Variants in UBQLN1 observed in about 807,000 individuals in gnomAD.
The protein encoded by UBQLN1 is ubiquilin-1.
UBQLN1 carries 13 observed loss-of-function variants against 65.4 expected under a neutral mutation model. The ratio of observed to expected loss-of-function variants is 0.20; its 90% CI spans 0.13 to 0.32. The LOEUF is 0.32. Among genes scored for constraint, UBQLN1 ranks in the 10% least tolerant of loss-of-function variants. The pLI, the probability that UBQLN1 is intolerant of heterozygous loss-of-function variation, is 1.00. For synonymous variants in UBQLN1, 267 were observed against 247.8 expected (o/e 1.08, Z -0.73); for missense variants, 561 against 724.0 (o/e 0.77, Z 2.58).
chr9:83,685,775 T>C (rs1832030683), intron 2 of UBQLN1, among the ~76,000 whole-genome samples: 1 of 152,190 alleles, frequency 6.6e-6, no homozygotes, highest in African/African-American at 2.4e-5. Context: ...TTAGGTATAA[T>C]AACTAAATAC....
At chr9:83,663,464 C>A (rs1357340063) in intron 10 of UBQLN1, among the ~76,000 whole-genome samples, 1 of 152,078 alleles carries the variant, frequency 6.6e-6, no homozygotes, top group Non-Finnish European at 1.5e-5. Flanking sequence ...GTAGTTAGGA[C>A]TTTTTTCCAG....
rs377346830 is a variant in UBQLN1 at position 83,685,970 on chromosome 9, C to A, written c.332+34G>T. On this transcript the variant is annotated intron_variant, in intron 2 of 10. Coordinates refer to ENST00000376395, the MANE Select transcript of UBQLN1 (RefSeq NM_013438.5). ...TTTTAGAAGTACGAACATTTATCCA[C>A]AATTTTAAAGCTGTACATCTTCCAA... The A allele has an allele frequency of 2.6e-5, 41 of 1,555,712 alleles. No homozygotes were observed. In the East Asian group the frequency reaches 5.0e-4, roughly 19 times the overall value.
intron 1 of UBQLN1, among the ~76,000 whole-genome samples, chr9:83,701,628 T>C (rs1832311329): frequency 6.6e-6 from 1 of 152,138 alleles, no homozygotes; most frequent in African/African-American, 2.4e-5. Flanking sequence ...AAGATACCAT[T>C]TCACAGCCAG....
chr9:83,707,374 GGGACGACGCCCGGGAGAATGGCCGA>G, intron 1 of UBQLN1, 101 bp downstream of exon 1: 1 of 1,070,222 alleles, frequency 9.3e-7, no homozygotes, highest in Non-Finnish European at 1.3e-6. Context: ...GATCTAATTT[GGGACGACGCCCGGGAGAATGGCCGA>G]GGACGACCCC....
intron 1 of UBQLN1, among the ~76,000 whole-genome samples, chr9:83,705,875 GGC>G (rs1426775861): frequency 7.1e-6 from 1 of 141,794 alleles, no homozygotes; most frequent in East Asian, 1.9e-4. Flanking sequence ...CAGTACTATA[GGC>G]TCTATGGGAT....
intron 1 of UBQLN1, among the ~76,000 whole-genome samples, chr9:83,687,417 A>G (rs546740483): frequency 6.6e-6 from 1 of 152,338 alleles, no homozygotes; most frequent in East Asian, 1.9e-4. Flanking sequence ...AATCTACATT[A>G]AAAGACTGGC....
intron 1 of UBQLN1, among the ~76,000 whole-genome samples, chr9:83,688,848 C>A (rs942850143): frequency 9.0e-5 from 13 of 144,674 alleles, no homozygotes; most frequent in African/African-American, 3.2e-4. Flanking sequence ...GCGATGAGAG[C>A]GAAACTCCGT....
At chr9:83,689,081 A>G (rs1250494326) in intron 1 of UBQLN1, among the ~76,000 whole-genome samples, 1 of 152,080 alleles carries the variant, frequency 6.6e-6, no homozygotes, top group Non-Finnish European at 1.5e-5. Flanking sequence ...GCTATCACCC[A>G]CCTATGGCTC....
At chr9:83,696,303 C>T (rs570550485) in intron 1 of UBQLN1, among the ~76,000 whole-genome samples, 1 of 152,234 alleles carries the variant, frequency 6.6e-6, no homozygotes, top group African/African-American at 2.4e-5. Flanking sequence ...TTTGTAGTTG[C>T]AGCTGCTGGT....
At chr9:83,700,816 G>A (rs1037655608) in intron 1 of UBQLN1, among the ~76,000 whole-genome samples, 15 of 152,134 alleles carry the variant, frequency 9.9e-5, no homozygotes, top group African/African-American at 3.6e-4. Flanking sequence ...AAAATGGAGA[G>A]GGCATGGAAC....
In UBQLN1 at chr9:83,700,391, CTGAA is replaced by C. The variant is rs141415951; in HGVS notation, c.180+7105_180+7108del. Among the ~76,000 whole-genome samples, 1,260 of 152,248 alleles carry C rather than the reference CTGAA, an allele frequency of 8.3e-3. 34 individuals are homozygous for C. The highest frequency in any genetic ancestry group is 0.045 in the East Asian group (235 of 5,188). On this transcript the variant is annotated intron_variant, in intron 1 of 10. Transcript: ENST00000376395. ...AAGGTTCAACAATAAGTAGTTATTA[CTGAA>C]TATGTATTATTGTACATAATGGACT...
intron 7 of UBQLN1, chr9:83,668,492 G>A: frequency 1.0e-6 from 1 of 985,328 alleles, no homozygotes; most frequent in Non-Finnish European, 1.2e-6. Flanking sequence ...GGCAACTTGA[G>A]GGAGAAAGGG....
chr9:83,688,101 AG>A (rs1196707821), intron 1 of UBQLN1, among the ~76,000 whole-genome samples: 1 of 152,248 alleles, frequency 6.6e-6, no homozygotes, highest in Non-Finnish European at 1.5e-5. Context: ...TATCCGAAAT[AG>A]TAATATAATG....
intron 1 of UBQLN1, among the ~76,000 whole-genome samples, chr9:83,701,508 A>C (rs1832308860): frequency 1.3e-5 from 2 of 152,184 alleles, no homozygotes; most frequent in Admixed American, 1.3e-4. Context: ...CCACAGTGAG[A>C]ACTACTGCTC....
In UBQLN1 at chr9:83,665,145, T is replaced by A; in HGVS notation, c.1333A>T (p.Met445Leu). ...GCTGATAGTGTATCAGGATTCTGCATCTAAGGAAGAAAGAAAACTAGTGGT... is the reference window on the plus strand; with the variant it reads ...GCTGATAGTGTATCAGGATTCTGCAACTAAGGAAGAAAGAAAACTAGTGGT... ...RQQLPTFLQQ[M>L]QNPDTLSAMS... Residue 445 changes from methionine to leucine, a missense_variant and splice_region_variant, in exon 9 of 11, where the codon ATG becomes TTG. Met to Leu is a conservative substitution (Grantham distance 15). Transcript: ENST00000376395. 6.3e-7 allele frequency: 1 copy of A among 1,594,630 alleles called. No individual in the cohort carries two copies. The highest frequency in any genetic ancestry group is 2.2e-5 in the East Asian group (1 of 44,674).
At chr9:83,697,861 G>C (rs1157678533) in intron 1 of UBQLN1, among the ~76,000 whole-genome samples, 2 of 147,766 alleles carry the variant, frequency 1.4e-5, no homozygotes, top group East Asian at 2.0e-4. Context: ...TCAGCCTTCC[G>C]AGTAGCTGGG....
At chr9:83,664,964 T>G in intron 9 of UBQLN1, 66 bp downstream of exon 9, 2 of 569,676 alleles carry the variant, frequency 3.5e-6, no homozygotes, top group Non-Finnish European at 5.9e-6. Context: ...AGAATAATAC[T>G]AAATCTGAAA....
At chr9:83,693,660 C>G (rs1478199947) in intron 1 of UBQLN1, among the ~76,000 whole-genome samples, 1 of 152,154 alleles carries the variant, frequency 6.6e-6, no homozygotes. Flanking sequence ...AGTGTATCAA[C>G]TTTTATGGTG....
intron 6 of UBQLN1, among the ~76,000 whole-genome samples, chr9:83,673,552 AAAAAAAAAAAAAAAAC>A (rs1010390711): frequency 1.5e-4 from 8 of 54,874 alleles, no homozygotes; most frequent in African/African-American, 1.9e-4. Flanking sequence ...CTTTTAAAAA[AAAAAAAAAAAAAAAAC>A]AAAAAAAAAA....
Sources: gnomAD v4.1 joint callset for allele counts (sites outside exome capture counted in the v4.1 genomes callset) on GRCh38, gnomAD v4.1.1 for gene constraint, MANE v1.5 for transcripts, NCBI Gene and HGNC (gene_info 2026-07-23, HGNC 2026-07-21) for gene names.